ADAMTSL1: variants seen among roughly 807,000 people sequenced by gnomAD.
ADAMTSL1 encodes the protein ADAMTS like 1, also known as ADAMTS-like protein 1.
A neutral mutation model predicts 201.8 loss-of-function variants in ADAMTSL1; 126 were observed. The observed-to-expected ratio is 0.62, with a 90% CI of 0.54 to 0.72. The LOEUF is 0.72. Among genes scored for constraint, ADAMTSL1 ranks in the 30% least tolerant of loss-of-function variants. The pLI is 0.00. For missense variants in ADAMTSL1, 2,679 were observed against 2,277.8 expected, an observed-to-expected ratio of 1.18 and a Z score of -3.59; for synonymous variants, 1,121 against 903.4, an observed-to-expected ratio of 1.24 and a Z score of -4.32.
intron 2 of ADAMTSL1, among the ~76,000 whole-genome samples, chr9:18,346,648 T>G (rs1463628798): frequency 2.0e-5 from 3 of 152,158 alleles, no homozygotes; most frequent in Non-Finnish European, 4.4e-5. Flanking sequence ...AGTTGAAACT[T>G]TAGAAGTAAA....
intron 20 of ADAMTSL1, among the ~76,000 whole-genome samples, chr9:18,798,695 A>C (rs957840471): frequency 6.6e-6 from 1 of 152,128 alleles, no homozygotes. Context: ...TGAATATTTC[A>C]CGTGGGCAAC....
intron 1 of ADAMTSL1, among the ~76,000 whole-genome samples, chr9:17,987,346 A>G (rs1818970835): frequency 6.6e-6 from 1 of 152,106 alleles, no homozygotes; most frequent in Non-Finnish European, 1.5e-5. Flanking sequence ...AGAGAACAAC[A>G]GATGTCATTT....
intron 2 of ADAMTSL1, among the ~76,000 whole-genome samples, chr9:18,257,749 G>A (rs144396334): frequency 8.7e-4 from 132 of 152,226 alleles, no homozygotes; most frequent in African/African-American, 2.7e-3. Context: ...TAGCTAAAAG[G>A]TGGAAACAAC....
intron 1 of ADAMTSL1, among the ~76,000 whole-genome samples, chr9:17,947,311 A>G (rs1408008860): frequency 3.0e-5 from 3 of 100,036 alleles, no homozygotes; most frequent in African/African-American, 1.2e-4. Flanking sequence ...TTATACACAC[A>G]TACACACACA....
intron 1 of ADAMTSL1, among the ~76,000 whole-genome samples, chr9:17,978,169 T>C (rs1818530581): frequency 6.6e-6 from 1 of 152,136 alleles, no homozygotes; most frequent in South Asian, 2.1e-4. Context: ...TCCATTTCTT[T>C]ATGTTTATCC....
chr9:18,681,694 G>GT (rs879486910), intron 11 of ADAMTSL1, 118 bp from the exon 12 acceptor site: 1 of 380,330 alleles, frequency 2.6e-6, no homozygotes, highest in Non-Finnish European at 4.1e-6. Flanking sequence ...AGGAGTCCTC[G>GT]TGTGGGGGGG....
At chr9:18,262,114 C>T (rs1831946525) in intron 2 of ADAMTSL1, among the ~76,000 whole-genome samples, 1 of 152,116 alleles carries the variant, frequency 6.6e-6, no homozygotes, top group Admixed American at 6.5e-5. Flanking sequence ...ATAGATATAG[C>T]CAGGCAAACC....
At chr9:18,391,974 G>A (rs761324810) in intron 2 of ADAMTSL1, among the ~76,000 whole-genome samples, 6 of 151,708 alleles carry the variant, frequency 4.0e-5, no homozygotes, top group African/African-American at 4.8e-5. Flanking sequence ...ACAGGTGCCC[G>A]CCACCATGCC....
chr9:18,122,365 T>C (rs905047330), intron 1 of ADAMTSL1, among the ~76,000 whole-genome samples: 9 of 152,140 alleles, frequency 5.9e-5, no homozygotes, highest in East Asian at 5.8e-4. Flanking sequence ...GAGCACCAGA[T>C]GGTAGAGTCA....
chr9:18,166,471 C>A (rs1178828879), intron 2 of ADAMTSL1, among the ~76,000 whole-genome samples: 1 of 151,856 alleles, frequency 6.6e-6, no homozygotes, highest in Non-Finnish European at 1.5e-5. Flanking sequence ...ATATGAATGA[C>A]TTCAGTTTTT....
Position 18,681,702 on chromosome 9 carries a change from G to C in ADAMTSL1, c.1342-110G>C, listed in dbSNP as rs184672422. The C allele has an allele frequency of 1.9e-3, 943 of 507,934 alleles. 53 individuals are homozygous for C. In the African/African-American group the frequency reaches 0.021, roughly 11 times the overall value. The allele number at this position is 507,934 out of a possible 1,614,324, so 31.5% of individuals were successfully genotyped here. A position where few individuals can be genotyped will look rare whatever the true frequency, so the allele number is the denominator to read the frequency against. On this transcript the variant is annotated intron_variant, in intron 11 of 28. Coordinates refer to ENST00000380548, the MANE Select transcript of ADAMTSL1 (RefSeq NM_001040272.6). ...ATTTACCAGGAGTCCTCGTGTGGGG[G>C]GGGGGGGCGGGGAAAAAGAAAACTT...
intron 19 of ADAMTSL1, among the ~76,000 whole-genome samples, chr9:18,788,868 G>C (rs913526480): frequency 1.3e-4 from 19 of 144,532 alleles, no homozygotes; most frequent in Non-Finnish European, 1.5e-5. Context: ...CAGAATTCTG[G>C]CTTTTTTTTT....
chr9:18,120,647 T>TAC (rs766329263), intron 1 of ADAMTSL1, among the ~76,000 whole-genome samples: 4 of 152,136 alleles, frequency 2.6e-5, no homozygotes, highest in African/African-American at 7.2e-5. Flanking sequence ...TTCATGTGTG[T>TAC]ACACACACAC....
At chr9:18,264,114 C>G (rs776073109) in intron 2 of ADAMTSL1, among the ~76,000 whole-genome samples, 1 of 152,164 alleles carries the variant, frequency 6.6e-6, no homozygotes, top group Non-Finnish European at 1.5e-5. Flanking sequence ...CCATTACTAG[C>G]ATCTAGATTC....
intron 19 of ADAMTSL1, among the ~76,000 whole-genome samples, chr9:18,791,247 A>G (rs939435546): frequency 2.6e-5 from 4 of 152,170 alleles, no homozygotes; most frequent in African/African-American, 4.8e-5. Context: ...AGAGCCCTGC[A>G]TGGGACCCCC....
At chr9:18,097,114 G>A (rs1824285919) in intron 1 of ADAMTSL1, among the ~76,000 whole-genome samples, 1 of 151,998 alleles carries the variant, frequency 6.6e-6, no homozygotes, top group Non-Finnish European at 1.5e-5. Context: ...CCAAGCCAAC[G>A]TTGATCCCCA....
intron 2 of ADAMTSL1, among the ~76,000 whole-genome samples, chr9:18,177,885 G>A (rs1342472322): frequency 1.3e-5 from 2 of 152,160 alleles, no homozygotes; most frequent in East Asian, 1.9e-4. Context: ...CTGCCACAGT[G>A]ATATAGTAGG....
At chr9:18,527,934 A>G (rs539215773) in intron 2 of ADAMTSL1, among the ~76,000 whole-genome samples, 3 of 152,160 alleles carry the variant, frequency 2.0e-5, no homozygotes, top group East Asian at 1.9e-4. Context: ...CTGGAATGCA[A>G]TGGTACAATC....
Position 17,982,650 on chromosome 9 carries a change from G to A in ADAMTSL1, c.87+75728G>A, listed in dbSNP as rs115742882. On this transcript the variant is annotated intron_variant, in intron 1 of 29. Transcript: ENST00000680146. ...TAAATAAATAAATAAAAATAAAACC[G>A]GGCAGGATATAGTCCAGCAAACTGA... Among the ~76,000 whole-genome samples, 838 of 151,906 alleles carry A rather than the reference G, an allele frequency of 5.5e-3. 9 individuals carry two copies. The highest frequency in any genetic ancestry group is 0.019 in the African/African-American group (796 of 41,434).
Sources: allele counts gnomAD v4.1 joint callset (sites outside exome capture counted in the v4.1 genomes callset), GRCh38; gene constraint gnomAD v4.1.1; transcripts MANE v1.5; gene names NCBI Gene and HGNC (gene_info 2026-07-23, HGNC 2026-07-21).